The following GPC3 variants were observed in gnomAD, a reference collection of about 807,000 sequenced individuals.
The protein encoded by GPC3 is glypican 3, also known as glypican-3.
A neutral mutation model predicts 34.4 loss-of-function variants in GPC3; 3 were observed. The ratio of observed to expected loss-of-function variants is 0.09; its 90% confidence interval spans 0.04 to 0.23. The LOEUF (loss-of-function observed/expected upper bound fraction) is 0.23, where lower values mean the gene tolerates loss of function less well. Ranked by LOEUF, GPC3 falls within the 10% of genes least tolerant of loss-of-function variation. The pLI is 1.00. For synonymous variants in GPC3, 177 were observed against 174.0 expected, an observed-to-expected ratio of 1.02 and a Z score of -0.13; for missense variants, 351 against 445.6, an observed-to-expected ratio of 0.79 and a Z score of 1.91.
At chrX:133,616,945 A>AC (rs1186627332) in intron 6 of GPC3, among the ~76,000 whole-genome samples, 1 of 110,455 alleles carries the variant, frequency 9.1e-6, no homozygotes, top group Non-Finnish European at 1.9e-5. Context: ...TGATCCACCC[A>AC]CCTCAGCCTC....
chrX:133,584,930 C>CAAAAAAAAAAAAAAAACA (rs2069772801), intron 7 of GPC3, among the ~76,000 whole-genome samples: 3 of 68,268 alleles, frequency 4.4e-5, no homozygotes, highest in Admixed American at 1.7e-4. Flanking sequence ...TATAAAAAGC[C>CAAAAAAAAAAAAAAAACA]AAAAAAAAAA....
intron 2 of GPC3, among the ~76,000 whole-genome samples, chrX:133,837,460 G>A: frequency 8.9e-6 from 1 of 112,069 alleles, no homozygotes; most frequent in Non-Finnish European, 1.9e-5. Flanking sequence ...TAGCCTAAAG[G>A]TTAAAGGATT....
intron 3 of GPC3, among the ~76,000 whole-genome samples, chrX:133,750,835 C>T (rs757189420): frequency 2.8e-4 from 31 of 110,070 alleles, no homozygotes; most frequent in African/African-American, 9.3e-4. Flanking sequence ...GCACTTTGGG[C>T]GGCCTAGGTG....
At chrX:133,806,479 C>T (rs939149805) in intron 2 of GPC3, among the ~76,000 whole-genome samples, 3 of 111,075 alleles carry the variant, frequency 2.7e-5, no homozygotes, top group Non-Finnish European at 5.7e-5. Flanking sequence ...GCTGTACAAG[C>T]CTGAAGAAAA....
intron 6 of GPC3, among the ~76,000 whole-genome samples, chrX:133,613,018 G>T (rs2070127057): frequency 9.0e-6 from 1 of 111,379 alleles, no homozygotes; most frequent in African/African-American, 3.3e-5. Flanking sequence ...ACTCCACACT[G>T]ACAGTTGTCT....
intron 3 of GPC3, among the ~76,000 whole-genome samples, chrX:133,744,612 CAAGG>C (rs1242776956): frequency 8.9e-6 from 1 of 112,245 alleles, no homozygotes; most frequent in Non-Finnish European, 1.9e-5. Flanking sequence ...GGCGATTCCT[CAAGG>C]ATCTAGAACC....
At chrX:133,647,688 CAGT>C (rs78037911) in intron 6 of GPC3, among the ~76,000 whole-genome samples, 5 of 111,786 alleles carry the variant, frequency 4.5e-5, no homozygotes, top group Non-Finnish European at 7.5e-5. Flanking sequence ...TCACGAAACA[CAGT>C]AGTCTCTCCA....
At chrX:133,983,180 G>A (rs1265282335) in intron 1 of GPC3, among the ~76,000 whole-genome samples, 2 of 112,460 alleles carry the variant, frequency 1.8e-5, no homozygotes, top group Non-Finnish European at 3.8e-5. Context: ...AGTCAGGACA[G>A]TGCCTGCCAT....
At chrX:133,639,144 T>C (rs1235686056) in intron 6 of GPC3, among the ~76,000 whole-genome samples, 2 of 112,038 alleles carry the variant, frequency 1.8e-5, no homozygotes, top group African/African-American at 3.2e-5. Context: ...TCCACGCTGT[T>C]CTCTTAGCCT....
At chrX:133,719,392 G>GA (rs1434529249) in intron 3 of GPC3, among the ~76,000 whole-genome samples, 1 of 111,951 alleles carries the variant, frequency 8.9e-6, no homozygotes, top group African/African-American at 3.2e-5. Context: ...AAATGAAAAT[G>GA]AAAACACAAC....
chrX:133,796,093 C>T (rs1239535547), intron 2 of GPC3, among the ~76,000 whole-genome samples: 2 of 108,879 alleles, frequency 1.8e-5, no homozygotes, highest in Non-Finnish European at 1.9e-5. Flanking sequence ...CTACAGGCCC[C>T]GCCACCACGC....
rs1485035212 is a variant in GPC3 at position 133,797,464 on chromosome X, G to A, written c.338-43288C>T. On this transcript the variant is annotated intron_variant, in intron 2 of 7. Coordinates refer to ENST00000370818, the MANE Select transcript of GPC3 (RefSeq NM_004484.4). Reference sequence around the variant, plus strand: ...ATTATCCATCTCTGGAATTCTCCCTGATCACCAGCTCTACCCCCCTGAGAT... The same window carrying A: ...ATTATCCATCTCTGGAATTCTCCCTAATCACCAGCTCTACCCCCCTGAGAT... Among the ~76,000 whole-genome samples, 8 of 110,893 alleles carry A rather than the reference G, an allele frequency of 7.2e-5. No individual in the cohort carries two copies. The Admixed American group carries it at 7.7e-4, about 11-fold the overall frequency.
In GPC3 at chrX:133,653,944, G is replaced by A. The variant is rs150683706; in HGVS notation, c.1413+7786C>T. ...CCCAGTCCCAGTGTTGTCATTTACT[G>A]GTAGTATGACTTTGGACAAGTCATT... On this transcript the variant is annotated intron_variant, in intron 6 of 7. Coordinates refer to ENST00000370818, the MANE Select transcript of GPC3 (RefSeq NM_004484.4). 8.9e-3 allele frequency among the ~76,000 whole-genome samples: 990 copies of A among 111,614 alleles called. 15 individuals are homozygous for A. The highest frequency in any genetic ancestry group is 0.029 in the African/African-American group (901 of 30,732).
At chrX:133,840,218 G>C (rs2075818058) in intron 2 of GPC3, among the ~76,000 whole-genome samples, 1 of 111,188 alleles carries the variant, frequency 9.0e-6, no homozygotes, top group African/African-American at 3.3e-5. Context: ...AGAAGCTATA[G>C]TGTCTTATAT....
At chrX:133,563,238 G>T (rs1017999823) in intron 7 of GPC3, among the ~76,000 whole-genome samples, 10 of 111,710 alleles carry the variant, frequency 9.0e-5, no homozygotes, top group Non-Finnish European at 1.5e-4. Context: ...GCTGGATTTT[G>T]TTTGTTTTAG....
chrX:133,660,095 A>C (rs2070703166), intron 6 of GPC3, among the ~76,000 whole-genome samples: 1 of 112,091 alleles, frequency 8.9e-6, no homozygotes, highest in Admixed American at 9.5e-5. Context: ...GTGCTCACTG[A>C]GTACAGAGCA....
intron 2 of GPC3, among the ~76,000 whole-genome samples, chrX:133,785,268 G>C (rs755222368): frequency 3.5e-4 from 39 of 111,277 alleles, no homozygotes; most frequent in Non-Finnish European, 6.2e-4. Context: ...CTCAAAGCCA[G>C]TTCCAGCCTG....
At chrX:133,976,435 T>C (rs2076515238) in intron 1 of GPC3, among the ~76,000 whole-genome samples, 1 of 111,981 alleles carries the variant, frequency 8.9e-6, no homozygotes, top group Non-Finnish European at 1.9e-5. Flanking sequence ...CAATTAACTT[T>C]CAAACAGTTT....
intron 2 of GPC3, among the ~76,000 whole-genome samples, chrX:133,830,692 A>C (rs866084951): frequency 1.9e-5 from 2 of 107,378 alleles, no homozygotes; most frequent in Admixed American, 1.0e-4. Flanking sequence ...AAAAAAAAAA[A>C]AAAAAAAAAA....
Sources: allele counts gnomAD v4.1 joint callset (sites outside exome capture counted in the v4.1 genomes callset), GRCh38; gene constraint gnomAD v4.1.1; transcripts MANE v1.5; gene names NCBI Gene and HGNC (gene_info 2026-07-23, HGNC 2026-07-21).